Variants in CHD3 observed in about 807,000 individuals in gnomAD.
CHD3 encodes the protein ATP-dependent chromatin remodeler CHD3.
A neutral mutation model predicts 248.9 loss-of-function variants in CHD3; 52 were observed. The ratio of observed to expected loss-of-function variants is 0.21; its 90% CI spans 0.17 to 0.26. The LOEUF (loss-of-function observed/expected upper bound fraction) is 0.26, where lower values mean the gene tolerates loss of function less well. Among genes scored for constraint, CHD3 ranks in the 10% least tolerant of loss-of-function variants. The pLI is 1.00. For synonymous variants in CHD3, 985 were observed against 985.2 expected, an observed-to-expected ratio of 1.00 and a Z score of 0.00; for missense variants, 1,482 against 2,605.8, an observed-to-expected ratio of 0.57 and a Z score of 9.39.
Position 7,894,110 on chromosome 17 carries a change from G to A in CHD3, c.925-5G>A. 1.9e-6 allele frequency: 3 copies of A among 1,603,000 alleles called. No homozygotes were observed. Among genetic ancestry groups the A allele is most frequent in the Non-Finnish European group, 2.6e-6 (3 of 1,173,344 alleles). ...CCTCACTGACGGCCACGGGGCTATG[G>A]GCAGTATGTTTTTCAGAGCGACGAA... On this transcript the variant is annotated splice_polypyrimidine_tract_variant and splice_region_variant and intron_variant, in intron 6 of 39. Coordinates refer to ENST00000330494, the MANE Select transcript of CHD3 (RefSeq NM_001005273.3).
In CHD3 at chr17:7,900,981, C is replaced by G; in HGVS notation, c.3108C>G (p.Pro1036=). The G allele has an allele frequency of 6.2e-7, 1 of 1,613,844 alleles. No individual in the cohort carries two copies. The highest frequency in any genetic ancestry group is 8.5e-7 in the Non-Finnish European group (1 of 1,179,932). ...KKCCNHPYLF[P]VAAMESPKLP... ...GCTGCAACCATCCATACCTTTTTCC[C>G]GTGGCTGCTATGGTAGATACACAGA... The change falls in exon 19 of 40, where the codon CCC becomes CCG. Residue 1036 remains proline, a synonymous_variant. Coordinates refer to ENST00000330494, the MANE Select transcript of CHD3 (RefSeq NM_001005273.3). The surrounding 1 kb of genome is among the most constrained non-coding windows in gnomAD (Gnocchi z 6.5).
chr17:7,899,448 A>G lies in CHD3; in HGVS notation c.2449A>G (p.Thr817Ala). ...WAPKFYVVTY[T>A]GDKDSRAIIR... ...ACCCAAATTCTATGTGGTGACATACACGGGTGACAAGGACAGCCGGGCCAT... is the reference window on the plus strand; with the variant it reads ...ACCCAAATTCTATGTGGTGACATACGCGGGTGACAAGGACAGCCGGGCCAT... The change falls in exon 15 of 40, where the codon ACG becomes GCG. Residue 817 changes from threonine (T) to alanine (A), a missense_variant. Transcript: ENST00000330494. This position sits in a 1 kb window ranked among gnomAD's most constrained non-coding sequence, Gnocchi z 6.8. 3 of 1,614,152 alleles carry G rather than the reference A, an allele frequency of 1.9e-6. No individual in the cohort carries two copies. The highest frequency in any genetic ancestry group is 1.7e-6 in the Non-Finnish European group (2 of 1,180,026).
upstream of CHD3, among the ~76,000 whole-genome samples, chr17:7,887,518 T>A (rs1013560030): frequency 5.3e-5 from 8 of 152,192 alleles, no homozygotes; most frequent in Admixed American, 5.2e-4. Context: ...GTAGTTTCTT[T>A]GCAAAAGGTC....
In CHD3 at chr17:7,906,791, G is replaced by A; in HGVS notation, c.4504-78G>A. On this transcript the variant is annotated intron_variant, in intron 29 of 39. Coordinates refer to ENST00000330494, the MANE Select transcript of CHD3 (RefSeq NM_001005273.3). This position sits in a 1 kb window ranked among gnomAD's most constrained non-coding sequence, Gnocchi z 5.0. Reference sequence around the variant, plus strand: ...CCCTGAGTTGTAAGCTTGCGCTGGTGTGAGACGGAGGAGACTGGAGCTTCC... The same window carrying A: ...CCCTGAGTTGTAAGCTTGCGCTGGTATGAGACGGAGGAGACTGGAGCTTCC... The A allele has an allele frequency of 6.3e-7, 1 of 1,595,378 alleles. No individual in the cohort carries two copies. Among genetic ancestry groups the A allele is most frequent in the Non-Finnish European group, 8.6e-7 (1 of 1,169,318 alleles).
At chr17:7,901,451 G>A (rs984132266) in intron 20 of CHD3, 76 bp downstream of exon 20, 38 of 1,357,252 alleles carry the variant, frequency 2.8e-5, no homozygotes, top group East Asian at 2.5e-5. Context: ...AATTTCTTAC[G>A]GTCTTCCTGT....
At position 7,906,767 on chromosome 17, in the gene CHD3, C is replaced by A; in HGVS notation, c.4503+70C>A. ...TCTCTGTCCTTCCTCTGCCTCTGTC[C>A]CTGAGTTGTAAGCTTGCGCTGGTGT... On this transcript the variant is annotated intron_variant, in intron 29 of 39. Coordinates refer to ENST00000330494, the MANE Select transcript of CHD3 (RefSeq NM_001005273.3). This position sits in a 1 kb window ranked among gnomAD's most constrained non-coding sequence, Gnocchi z 5.0. The A allele has an allele frequency of 6.3e-7, 1 of 1,585,482 alleles. No homozygotes were observed.
chr17:7,885,033 C>CGCCGCCGCCGCCGCCACCGCT, upstream of CHD3: 1 of 1,119,514 alleles, frequency 8.9e-7, no homozygotes, highest in Non-Finnish European at 1.1e-6. Flanking sequence ...TTCCCGCCGC[C>CGCCGCCGCCGCCGCCACCGCT]GCCGCCGCCG....
At chr17:7,885,307 C>CCGCCGCCGCCGCCGCCGCCGCCGCCG (rs1967659125), upstream of CHD3, 7 of 157,218 alleles carry the variant, frequency 4.5e-5, no homozygotes, top group East Asian at 2.4e-4. Flanking sequence ...GCACCCCTCC[C>CCGCCGCCGCCGCCGCCGCCGCCGCCG]CCGCCGCCGC....
chr17:7,895,812 A>G lies in CHD3; in HGVS notation c.1707+270A>G, dbSNP rs544120290. Among the ~76,000 whole-genome samples, 2 of 152,034 alleles carry G rather than the reference A, an allele frequency of 1.3e-5. No individual in the cohort carries two copies. The highest frequency in any genetic ancestry group is 4.1e-4 in the South Asian group (2 of 4,824). On this transcript the variant is annotated intron_variant, in intron 10 of 39. Coordinates refer to ENST00000330494, the MANE Select transcript of CHD3 (RefSeq NM_001005273.3). This position sits in a 1 kb window ranked among gnomAD's most constrained non-coding sequence, Gnocchi z 4.9. ...CCTTATCTGTCTTTTTCCATGTTTT[A>G]TAATATTCCTGGCTGGGCATGGTGG... is the stretch of plus-strand genomic sequence containing the variant.
chr17:7,901,393 C>T lies in CHD3; in HGVS notation c.3252+18C>T. 6.3e-7 allele frequency: 1 copy of T among 1,575,942 alleles called. No homozygotes were observed. Among genetic ancestry groups the T allele is most frequent in the Non-Finnish European group, 8.6e-7 (1 of 1,157,202 alleles). On this transcript the variant is annotated intron_variant, in intron 20 of 39. Transcript: ENST00000330494. ...TCTCGCAGGTGACCTGTGCCCTTAG[C>T]TGTCTTTACATCTGCTTCCTCTTCC...
At chr17:7,890,466 C>A in intron 2 of CHD3, 105 bp from the exon 3 acceptor site, 3 of 775,476 alleles carry the variant, frequency 3.9e-6, no homozygotes, top group East Asian at 3.1e-5. Flanking sequence ...GTTACTATCA[C>A]AGGATTGTTG....
In CHD3 at chr17:7,910,789, C is replaced by G; in HGVS notation, c.5755-58C>G. 6.4e-7 allele frequency: 1 copy of G among 1,567,862 alleles called. No individual in the cohort carries two copies. Among genetic ancestry groups the G allele is most frequent in the Non-Finnish European group, 8.6e-7 (1 of 1,160,116 alleles). On this transcript the variant is annotated intron_variant, in intron 38 of 39. Coordinates refer to ENST00000330494, the MANE Select transcript of CHD3 (RefSeq NM_001005273.3). The surrounding 1 kb of genome is among the most constrained non-coding windows in gnomAD (Gnocchi z 4.7). ...GTGGCTCATAATGTCTCTCCTACAGCTTCTTTCCTCTCACAGACTATGAAC... is the reference window on the plus strand; with the variant it reads ...GTGGCTCATAATGTCTCTCCTACAGGTTCTTTCCTCTCACAGACTATGAAC...
chr17:7,887,699 G>A (rs1487192182), upstream of CHD3, among the ~76,000 whole-genome samples: 1 of 152,134 alleles, frequency 6.6e-6, no homozygotes. Flanking sequence ...CTTCGGCCGA[G>A]ACTCCTCCCG....
Position 7,906,215 on chromosome 17 carries a change from G to A in CHD3, c.4358+226G>A, listed in dbSNP as rs920669290. 3.8e-6 allele frequency: 3 copies of A among 790,748 alleles called. No individual in the cohort carries two copies. The highest frequency in any genetic ancestry group is 3.4e-5 in the Admixed American group (2 of 58,322). The allele number at this position is 790,748 out of a possible 1,614,324, so 49.0% of individuals were successfully genotyped here. Reference sequence around the variant, plus strand: ...GCCAGGCATCCTCCCCAGGGGAGGGGCGTTGAAGCAAGGAGCCTCTCCTGG... The same window carrying A: ...GCCAGGCATCCTCCCCAGGGGAGGGACGTTGAAGCAAGGAGCCTCTCCTGG... On this transcript the variant is annotated intron_variant, in intron 28 of 39. Coordinates refer to ENST00000330494, the MANE Select transcript of CHD3 (RefSeq NM_001005273.3). This position sits in a 1 kb window ranked among gnomAD's most constrained non-coding sequence, Gnocchi z 5.0.
intron 4 of CHD3, among the ~76,000 whole-genome samples, chr17:7,893,008 C>T (rs1404163427): frequency 3.3e-5 from 5 of 152,088 alleles, no homozygotes; most frequent in Non-Finnish European, 5.9e-5. Flanking sequence ...TCTCATAGCC[C>T]TGGGCTCAAG....
upstream of CHD3, chr17:7,884,858 T>C: frequency 9.0e-7 from 1 of 1,106,382 alleles, no homozygotes. Context: ...GATGGTGGTG[T>C]CGGAGGAGGA....
At position 7,908,581 on chromosome 17, in the gene CHD3, C is replaced by T. The variant is rs1008202029; in HGVS notation, c.5261+71C>T. 6.4e-7 allele frequency: 1 copy of T among 1,574,782 alleles called. No individual in the cohort carries two copies. The highest frequency in any genetic ancestry group is 2.2e-5 in the East Asian group (1 of 44,668). On this transcript the variant is annotated intron_variant, in intron 35 of 39. Coordinates refer to ENST00000330494, the MANE Select transcript of CHD3 (RefSeq NM_001005273.3). This position sits in a 1 kb window ranked among gnomAD's most constrained non-coding sequence, Gnocchi z 5.8. ...GGCAAAAAAAAAAAAGATGATTTCACACCCAGGGACAGGGCTAGTGCCACA... is the reference window on the plus strand; with the variant it reads ...GGCAAAAAAAAAAAAGATGATTTCATACCCAGGGACAGGGCTAGTGCCACA...
In CHD3 at chr17:7,910,281, T is replaced by C; in HGVS notation, c.5591-147T>C. 1.0e-6 allele frequency: 1 copy of C among 985,362 alleles called. No homozygotes were observed. The highest frequency in any genetic ancestry group is 2.0e-5 in the Admixed American group (1 of 51,264). The allele number at this position is 985,362 out of a possible 1,614,324, so 61.0% of individuals were successfully genotyped here. A position where few individuals can be genotyped will look rare whatever the true frequency, so the allele number is the denominator to read the frequency against. Reference sequence around the variant, plus strand: ...TTTCCATCTACTTCTTTTACTTTCTTGATCTCTGGTTCTTTGACATCTGTG... The same window carrying C: ...TTTCCATCTACTTCTTTTACTTTCTCGATCTCTGGTTCTTTGACATCTGTG... On this transcript the variant is annotated intron_variant, in intron 37 of 39. Coordinates refer to ENST00000330494, the MANE Select transcript of CHD3 (RefSeq NM_001005273.3). This position sits in a 1 kb window ranked among gnomAD's most constrained non-coding sequence, Gnocchi z 4.7.
upstream of CHD3, chr17:7,888,729 T>C (rs1968374081): frequency 1.0e-6 from 1 of 960,030 alleles, no homozygotes; most frequent in Non-Finnish European, 1.4e-6. Context: ...TGGGTGTGGG[T>C]GCGCGCGTGC....
Sources: allele counts gnomAD v4.1 joint callset (sites outside exome capture counted in the v4.1 genomes callset), GRCh38; gene constraint gnomAD v4.1.1; non-coding constraint Gnocchi (gnomAD v3.1); transcripts MANE v1.5; gene names NCBI Gene and HGNC (gene_info 2026-07-23, HGNC 2026-07-21).